DNMT3B: variants seen among roughly 807,000 people sequenced by gnomAD.
DNMT3B encodes the protein DNA methyltransferase 3 beta.
Under a neutral mutation model 120.2 loss-of-function variants are expected in DNMT3B, and 37 were observed. That is an observed-to-expected ratio of 0.31 (90% confidence interval 0.24 to 0.40). The LOEUF (loss-of-function observed/expected upper bound fraction) is 0.40. DNMT3B is among the 10% of genes least tolerant of loss of function. The pLI is 1.00. For missense variants in DNMT3B, 878 were observed against 1,137.3 expected (o/e 0.77, Z 3.28); for synonymous variants, 412 against 442.8 (o/e 0.93, Z 0.87).
chr20:32,777,538 TACCA>T (rs1988127553), intron 1 of DNMT3B, among the ~76,000 whole-genome samples: 1 of 152,090 alleles, frequency 6.6e-6, no homozygotes, highest in Non-Finnish European at 1.5e-5. Context: ...TCTGGTCTGC[TACCA>T]GCTCCTGGCC....
intron 15 of DNMT3B, among the ~76,000 whole-genome samples, 168 bp from the exon 16 acceptor site, chr20:32,799,076 G>C (rs982844888): frequency 6.6e-6 from 1 of 152,142 alleles, no homozygotes; most frequent in African/African-American, 2.4e-5. Context: ...ATGCAGGCTC[G>C]TGTGGTACAC....
chr20:32,766,661 C>A (rs1242469650), intron 1 of DNMT3B, among the ~76,000 whole-genome samples: 2 of 152,062 alleles, frequency 1.3e-5, no homozygotes, highest in East Asian at 3.9e-4. Context: ...GGCGGTTGCT[C>A]ACTGCAACCT....
At chr20:32,777,658 C>T (rs145805675) in intron 1 of DNMT3B, among the ~76,000 whole-genome samples, 125 of 152,262 alleles carry the variant, frequency 8.2e-4, no homozygotes, top group African/African-American at 2.9e-3. Context: ...TATGCCAGGC[C>T]CACTAGGTTA....
At chr20:32,764,450 T>C (rs549260469) in intron 1 of DNMT3B, among the ~76,000 whole-genome samples, 15 of 152,250 alleles carry the variant, frequency 9.9e-5, no homozygotes, top group Admixed American at 4.6e-4. Flanking sequence ...AGGGTGGCCA[T>C]TCCTGAGATT....
chr20:32,799,123 C>A, intron 15 of DNMT3B, 121 bp from the exon 16 acceptor site: 1 of 1,099,588 alleles, frequency 9.1e-7, no homozygotes, highest in Non-Finnish European at 1.3e-6. Context: ...CTTCAGTGGG[C>A]TTTTTGCAGT....
At chr20:32,766,701 C>T (rs1987390365) in intron 1 of DNMT3B, among the ~76,000 whole-genome samples, 4 of 151,450 alleles carry the variant, frequency 2.6e-5, no homozygotes, top group Admixed American at 2.6e-4. Context: ...AATTCTCATG[C>T]CTCAACTTCC....
intron 19 of DNMT3B, 69 bp downstream of exon 19, chr20:32,801,495 T>C (rs1417440314): frequency 2.5e-6 from 4 of 1,598,546 alleles, no homozygotes; most frequent in Non-Finnish European, 3.4e-6. Flanking sequence ...GCAGTGATGA[T>C]TGGTGGGTGT....
chr20:32,807,532 A>G (rs988623643), intron 22 of DNMT3B, among the ~76,000 whole-genome samples: 2 of 152,022 alleles, frequency 1.3e-5, no homozygotes, highest in Non-Finnish European at 2.9e-5. Flanking sequence ...CTGAGCACCA[A>G]CTCTATGCCA....
chr20:32,797,128 C>A (rs1264375076), intron 13 of DNMT3B, 59 bp from the exon 14 acceptor site: 5 of 1,607,740 alleles, frequency 3.1e-6, no homozygotes, highest in Non-Finnish European at 4.2e-6. Context: ...ACCAGCAAGC[C>A]GGCAGGGCCT....
chr20:32,766,737 A>C (rs573318246), intron 1 of DNMT3B, among the ~76,000 whole-genome samples: 69 of 151,760 alleles, frequency 4.5e-4, no homozygotes, highest in Non-Finnish European at 7.9e-4. Flanking sequence ...ACAGGCATGC[A>C]CCACCATGCC....
In DNMT3B at chr20:32,800,197, G is replaced by A. The variant is rs752495145; in HGVS notation, c.1804G>A (p.Val602Ile). 68 of 1,614,122 alleles carry A rather than the reference G, an allele frequency of 4.2e-5. No homozygotes were observed. In the East Asian group the frequency reaches 1.1e-3, roughly 26 times the overall value. Reference protein sequence around the residue: ...KELGIKVGKYVASEVCEESIA... With the variant: ...KELGIKVGKYIASEVCEESIA... ...GTTGGGCATAAAGGTAGGAAAGTAC[G>A]TCGCTTCTGAAGTGTGTGAGGAGTC... The change falls in exon 17 of 23, where the codon GTC becomes ATC. Residue 602 changes from valine (V) to isoleucine (I), a missense_variant. Transcript: ENST00000328111.
intron 12 of DNMT3B, 75 bp downstream of exon 12, chr20:32,795,769 C>A (rs1980549841): frequency 6.3e-7 from 1 of 1,581,442 alleles, no homozygotes; most frequent in Non-Finnish European, 8.7e-7. Flanking sequence ...CCTGGCTCAT[C>A]CACCCTGTCA....
At chr20:32,783,574 C>CAACCT (rs1568834859) in intron 3 of DNMT3B, among the ~76,000 whole-genome samples, 1 of 151,978 alleles carries the variant, frequency 6.6e-6, no homozygotes, top group African/African-American at 2.4e-5. Context: ...TGGTGGTGGC[C>CAACCT]AACCTACTTA....
rs112512796 is a variant in DNMT3B, at chr20:32,770,028, A to G, written c.-7+7329A>G. Among the ~76,000 whole-genome samples the G allele has an allele frequency of 5.5e-3, 844 of 152,240 alleles. 16 individuals carry two copies. Among genetic ancestry groups the G allele is most frequent in the African/African-American group, 0.02 (816 of 41,554 alleles). On this transcript the variant is annotated intron_variant, in intron 1 of 22. Coordinates refer to ENST00000328111, the MANE Select transcript of DNMT3B (RefSeq NM_006892.4). ...ACAGCTCACTGTAGCCTCAACTCCA[A>G]TGCTCCAGCAGTCCTCCCACTGCAG...
chr20:32,765,762 T>C (rs1397610591), intron 1 of DNMT3B, among the ~76,000 whole-genome samples: 1 of 138,096 alleles, frequency 7.2e-6, no homozygotes, highest in Non-Finnish European at 1.6e-5. Flanking sequence ...TTTTTTCTTT[T>C]TTTTTTTTTT....
chr20:32,809,035 C>A lies in DNMT3B; in HGVS notation c.*1132C>A. The A allele has an allele frequency of 4.6e-6, 1 of 216,002 alleles. No individual in the cohort carries two copies. Among genetic ancestry groups the A allele is most frequent in the Non-Finnish European group, 9.3e-6 (1 of 106,978 alleles). 13.4% of individuals were successfully genotyped at this position (216,002 alleles called of 1,614,324 possible). ...CATAAGAAGTCGTTTTTAGGGAGAA[C>A]GGGAATTCAGACAAGCTGCATTTCA... On this transcript the variant is annotated 3_prime_UTR_variant, in exon 23 of 23. Coordinates refer to ENST00000328111, the MANE Select transcript of DNMT3B (RefSeq NM_006892.4).
At chr20:32,787,523 A>G (rs904791251) in intron 6 of DNMT3B, 72 bp downstream of exon 6, 6 of 1,472,688 alleles carry the variant, frequency 4.1e-6, no homozygotes, top group Admixed American at 3.9e-5. Flanking sequence ...GTTACCTGCT[A>G]CTGTTGGTAA....
chr20:32,805,298 C>T (rs750678912), intron 20 of DNMT3B, 40 bp from the exon 21 acceptor site: 1 of 1,613,838 alleles, frequency 6.2e-7, no homozygotes, highest in Admixed American at 1.7e-5. Flanking sequence ...AGAGGACCCT[C>T]TATAGCTAGT....
intron 10 of DNMT3B, among the ~76,000 whole-genome samples, chr20:32,794,315 C>G (rs1980345858): frequency 7.0e-6 from 1 of 142,220 alleles, no homozygotes; most frequent in South Asian, 2.2e-4. Context: ...TGCACTCCAG[C>G]CTGGGTGACA....
Sources: gnomAD v4.1 joint callset for allele counts (sites outside exome capture counted in the v4.1 genomes callset) on GRCh38, gnomAD v4.1.1 for gene constraint, MANE v1.5 for transcripts, NCBI Gene and HGNC (gene_info 2026-07-23, HGNC 2026-07-21) for gene names.